ARMC9: variants seen among roughly 807,000 people sequenced by gnomAD.
ARMC9 encodes the protein lisH domain-containing protein ARMC9.
Under a neutral mutation model 107.0 loss-of-function variants are expected in ARMC9, and 94 were observed. The ratio of observed to expected loss-of-function variants is 0.88; its 90% confidence interval spans 0.74 to 1.04. ARMC9 has a LOEUF of 1.04. Ranked by LOEUF, ARMC9 falls within the 50% of genes least tolerant of loss-of-function variation. ARMC9 has a pLI of 0.00. For synonymous variants in ARMC9, 380 were observed against 396.9 expected, an observed-to-expected ratio of 0.96 and a Z score of 0.51; for missense variants, 942 against 1,030.1, an observed-to-expected ratio of 0.91 and a Z score of 1.17.
intron 17 of ARMC9, among the ~76,000 whole-genome samples, chr2:231,285,828 C>T (rs2040550688): frequency 6.6e-6 from 1 of 152,134 alleles, no homozygotes; most frequent in African/African-American, 2.4e-5. Context: ...TTTTCTAAAA[C>T]CCTGAGATTT....
At chr2:231,212,304 A>G (rs2032980833) in intron 3 of ARMC9, among the ~76,000 whole-genome samples, 1 of 152,166 alleles carries the variant, frequency 6.6e-6, no homozygotes, top group African/African-American at 2.4e-5. Context: ...ATGTGTGGGT[A>G]TTATTTTAAG....
chr2:231,280,092 C>T (rs746747667), intron 16 of ARMC9, among the ~76,000 whole-genome samples: 2 of 152,188 alleles, frequency 1.3e-5, no homozygotes, highest in Non-Finnish European at 2.9e-5. Context: ...AATATGTCTG[C>T]TCTGAAAACT....
intron 9 of ARMC9, among the ~76,000 whole-genome samples, chr2:231,245,718 A>G (rs2036700163): frequency 6.6e-6 from 1 of 152,146 alleles, no homozygotes; most frequent in Non-Finnish European, 1.5e-5. Flanking sequence ...GCATTCCTCT[A>G]TCAGACATTT....
rs984538261 is a variant in ARMC9, at chr2:231,338,904, G to A, written c.1879-6071G>A. 3.3e-5 allele frequency among the ~76,000 whole-genome samples: 5 copies of A among 151,354 alleles called. 1 individual carries two copies. In the South Asian group the frequency reaches 6.3e-4, roughly 19 times the overall value. On this transcript the variant is annotated intron_variant, in intron 20 of 24. Coordinates refer to ENST00000611582, the MANE Select transcript of ARMC9 (RefSeq NM_001352754.2). Reference sequence around the variant, plus strand: ...GAAGATGTTTTTAATGTTTTCTACCGAGAAAGAAAAAAAGATTAGCCTTTC... The same window carrying A: ...GAAGATGTTTTTAATGTTTTCTACCAAGAAAGAAAAAAAGATTAGCCTTTC...
intron 4 of ARMC9, 161 bp downstream of exon 4, chr2:231,215,162 TC>T: frequency 1.5e-6 from 1 of 688,796 alleles, no homozygotes; most frequent in Non-Finnish European, 2.3e-6. Flanking sequence ...TCTACTGTAT[TC>T]CCAGCAGTTT....
chr2:231,360,734 C>T lies in ARMC9; in HGVS notation c.2132-20C>T, dbSNP rs1231743677. ...GGCTCCAGAGCAGATGTGGACTGAA[C>T]TTTCTCTCCTCCTCCCCAGCAGCCA... On this transcript the variant is annotated intron_variant, in intron 22 of 24. Coordinates refer to ENST00000611582, the MANE Select transcript of ARMC9 (RefSeq NM_001352754.2). The surrounding 1 kb of genome is among the most constrained non-coding windows in gnomAD (Gnocchi z 4.7). The T allele has an allele frequency of 1.3e-6, 2 of 1,536,178 alleles. No homozygotes were observed. Among genetic ancestry groups the T allele is most frequent in the African/African-American group, 2.7e-5 (2 of 73,192 alleles).
At chr2:231,226,909 T>A in intron 7 of ARMC9, 111 bp downstream of exon 7, 1 of 1,282,910 alleles carries the variant, frequency 7.8e-7, no homozygotes, top group South Asian at 1.3e-5. Context: ...TTTAAGAGTC[T>A]AAATATTTAT....
At chr2:231,353,048 A>G (rs1340953114) in intron 21 of ARMC9, among the ~76,000 whole-genome samples, 1 of 132,308 alleles carries the variant, frequency 7.6e-6, no homozygotes, top group Non-Finnish European at 1.5e-5. Context: ...CATGCAATCC[A>G]TTCCAGCCAT....
At chr2:231,343,955 A>G (rs750564874) in intron 20 of ARMC9, among the ~76,000 whole-genome samples, 5 of 152,112 alleles carry the variant, frequency 3.3e-5, no homozygotes, top group African/African-American at 4.8e-5. Context: ...TTTTTATTTA[A>G]TGTTTTAAAT....
intron 17 of ARMC9, among the ~76,000 whole-genome samples, chr2:231,286,496 A>G (rs185713687): frequency 7.8e-4 from 119 of 152,326 alleles, no homozygotes; most frequent in Middle Eastern, 6.8e-3. Flanking sequence ...TAAAGGATCT[A>G]TCTTTTGGAC....
intron 9 of ARMC9, among the ~76,000 whole-genome samples, chr2:231,241,863 C>T (rs1182602662): frequency 6.6e-6 from 1 of 152,108 alleles, no homozygotes; most frequent in Admixed American, 6.5e-5. Flanking sequence ...GGGCTCTGAG[C>T]TTTCCAGCAG....
In ARMC9 at chr2:231,374,783, T is replaced by C. The variant is rs1472941317; in HGVS notation, c.*3248T>C. 1 of 152,188 alleles carries C rather than the reference T, an allele frequency of 6.6e-6. No homozygotes were observed. Among genetic ancestry groups the C allele is most frequent in the Non-Finnish European group, 1.5e-5 (1 of 68,026 alleles). The allele number at this position is 152,188 out of a possible 1,614,324, so 9.4% of individuals were successfully genotyped here. A position where few individuals can be genotyped will look rare whatever the true frequency, so the allele number is the denominator to read the frequency against. Reference sequence around the variant, plus strand: ...AGGCAGCTGGGACGTGGACCAGAGATACCAATTTGATTTTTTTTAAATATT... The same window carrying C: ...AGGCAGCTGGGACGTGGACCAGAGACACCAATTTGATTTTTTTTAAATATT... On this transcript the variant is annotated 3_prime_UTR_variant, in exon 25 of 25. Transcript: ENST00000611582.
At chr2:231,253,007 T>A (rs907275966) in intron 9 of ARMC9, among the ~76,000 whole-genome samples, 1 of 152,164 alleles carries the variant, frequency 6.6e-6, no homozygotes, top group East Asian at 1.9e-4. Flanking sequence ...ACAACAGGAA[T>A]AGGTAATTTC....
chr2:231,291,165 G>A (rs1427834529), intron 17 of ARMC9, among the ~76,000 whole-genome samples, 188 bp from the exon 18 acceptor site: 2 of 152,128 alleles, frequency 1.3e-5, no homozygotes, highest in East Asian at 1.9e-4. Context: ...GCCCTGCCCT[G>A]CTGGGAGAGT....
chr2:231,373,724 A>C lies in ARMC9; in HGVS notation c.*2189A>C, dbSNP rs566953896. ...CGAGACCAGCCTGGCCAACATGGCG[A>C]AACCCCGTCTCTACTAAAATACAAA... On this transcript the variant is annotated 3_prime_UTR_variant, in exon 25 of 25. Coordinates refer to ENST00000611582, the MANE Select transcript of ARMC9 (RefSeq NM_001352754.2). This position sits in a 1 kb window ranked among gnomAD's most constrained non-coding sequence, Gnocchi z 4.4. The C allele has an allele frequency of 6.6e-6, 1 of 152,268 alleles. No homozygotes were observed. Among genetic ancestry groups the C allele is most frequent in the South Asian group, 2.1e-4 (1 of 4,828 alleles). 9.4% of individuals were successfully genotyped at this position (152,268 alleles called of 1,614,324 possible). A position where few individuals can be genotyped will look rare whatever the true frequency, so the allele number is the denominator to read the frequency against.
At chr2:231,245,448 T>C (rs2036671767) in intron 9 of ARMC9, among the ~76,000 whole-genome samples, 1 of 152,200 alleles carries the variant, frequency 6.6e-6, no homozygotes, top group African/African-American at 2.4e-5. Flanking sequence ...CTGTGATCTA[T>C]TGAAAGTCAG....
At chr2:231,261,789 G>C (rs1459158519) in intron 11 of ARMC9, among the ~76,000 whole-genome samples, 1 of 151,620 alleles carries the variant, frequency 6.6e-6, no homozygotes, top group East Asian at 1.9e-4. Flanking sequence ...ACATGTATAA[G>C]TTGGCTCCCT....
At chr2:231,356,984 C>T (rs1012292423) in intron 22 of ARMC9, among the ~76,000 whole-genome samples, 3 of 152,048 alleles carry the variant, frequency 2.0e-5, no homozygotes, top group African/African-American at 7.2e-5. Context: ...CTTGCTTTAC[C>T]AAAATGACCA....
chr2:231,307,597 A>G (rs1212639603), intron 19 of ARMC9, among the ~76,000 whole-genome samples: 1 of 152,184 alleles, frequency 6.6e-6, no homozygotes, highest in Non-Finnish European at 1.5e-5. Flanking sequence ...GGCCTCACTG[A>G]ATATCTAGTC....
Sources: gnomAD v4.1 joint callset for allele counts (sites outside exome capture counted in the v4.1 genomes callset) on GRCh38, gnomAD v4.1.1 for gene constraint, Gnocchi (gnomAD v3.1) non-coding constraint, MANE v1.5 for transcripts, NCBI Gene and HGNC (gene_info 2026-07-23, HGNC 2026-07-21) for gene names.